Variants in SAMMSON observed in about 807,000 individuals in gnomAD.
SAMMSON encodes the protein long intergenic non-protein coding RNA 1212.
chr3:70,270,938 A>G (rs1373331203), intron 6 of SAMMSON, among the ~76,000 whole-genome samples: 6 of 152,126 alleles, frequency 3.9e-5, no homozygotes, highest in Non-Finnish European at 8.8e-5. Context: ...AATGTAGATG[A>G]TGGATTGATG....
chr3:70,196,659 C>T (rs1461536770), intron 4 of SAMMSON, among the ~76,000 whole-genome samples: 1 of 152,100 alleles, frequency 6.6e-6, no homozygotes, highest in Non-Finnish European at 1.5e-5. Context: ...ACATCTTGTA[C>T]CTACAGCATT....
chr3:70,261,884 G>A (rs1701869792), intron 6 of SAMMSON, among the ~76,000 whole-genome samples: 1 of 152,094 alleles, frequency 6.6e-6, no homozygotes, highest in South Asian at 2.1e-4. Context: ...TATCCAAGAA[G>A]ATCCGGGGCT....
At chr3:70,335,723 T>G (rs1381960604) in intron 7 of SAMMSON, among the ~76,000 whole-genome samples, 1 of 151,984 alleles carries the variant, frequency 6.6e-6, no homozygotes, top group African/African-American at 2.4e-5. Context: ...TTAAATTCAA[T>G]TTACCACCAC....
intron 6 of SAMMSON, among the ~76,000 whole-genome samples, chr3:70,253,285 A>G (rs1701786263): frequency 6.6e-6 from 1 of 152,088 alleles, no homozygotes; most frequent in Non-Finnish European, 1.5e-5. Flanking sequence ...AGGGAAGACC[A>G]TTTTATTTAT....
rs528670607 is a variant in SAMMSON at position 70,018,495 on chromosome 3, C to T, written n.417+4823C>T. On this transcript the variant is annotated intron_variant and non_coding_transcript_variant, in intron 3 of 9. Transcript: ENST00000642114. ...TTTTCTTCTTTATTAGTCTTGCTAG[C>T]AGTCTATCAATTTTGTTGATCTTTT... Among the ~76,000 whole-genome samples the T allele has an allele frequency of 6.4e-4, 97 of 152,178 alleles. 2 individuals carry two copies. Among genetic ancestry groups the T allele is most frequent in the South Asian group, 3.7e-3 (18 of 4,822 alleles).
intron 3 of SAMMSON, among the ~76,000 whole-genome samples, chr3:70,018,555 G>T (rs2066997265): frequency 6.6e-6 from 1 of 151,880 alleles, no homozygotes; most frequent in Admixed American, 6.6e-5. Flanking sequence ...TGATTTTTTT[G>T]AAGGGTTTTT....
rs1031647417 is a variant in SAMMSON, at chr3:70,196,566, A to C, written n.508-52541A>C. 4.6e-5 allele frequency among the ~76,000 whole-genome samples: 7 copies of C among 152,186 alleles called. 1 individual carries two copies. The highest frequency in any genetic ancestry group is 4.6e-4 in the Admixed American group (7 of 15,278). ...AAAAGAATGCACTAATTTGTCCTGA[A>C]TTTGTGAATGAGGTTGAATCCATAA... is the stretch of plus-strand genomic sequence containing the variant. On this transcript the variant is annotated intron_variant and non_coding_transcript_variant, in intron 4 of 9. Transcript: ENST00000642114.
chr3:70,317,288 T>C (rs1403273650), intron 7 of SAMMSON, among the ~76,000 whole-genome samples: 2 of 152,056 alleles, frequency 1.3e-5, no homozygotes, highest in Non-Finnish European at 2.9e-5. Context: ...TTCCTACAAA[T>C]TGAAGGTTTG....
intron 4 of SAMMSON, chr3:70,172,271 C>CTTTTT (rs5742405): frequency 1.5e-5 from 2 of 135,018 alleles, no homozygotes; most frequent in Non-Finnish European, 3.3e-5. Flanking sequence ...CATTAGTGGT[C>CTTTTT]TTTTTTTTTT....
intron 9 of SAMMSON, among the ~76,000 whole-genome samples, chr3:70,361,093 C>T (rs1157205519): frequency 6.6e-6 from 1 of 152,094 alleles, no homozygotes; most frequent in Admixed American, 6.5e-5. Flanking sequence ...ACACGAAGTG[C>T]TAAGATGGAA....
chr3:70,391,664 A>ATT (rs772044762), downstream of SAMMSON, among the ~76,000 whole-genome samples: 6 of 152,138 alleles, frequency 3.9e-5, no homozygotes, highest in Non-Finnish European at 7.4e-5. Flanking sequence ...ATTTCCTTCT[A>ATT]TGAAAGGGAG....
intron 2 of SAMMSON, among the ~76,000 whole-genome samples, chr3:70,398,148 C>T (rs1477598838): frequency 1.3e-5 from 2 of 152,006 alleles, no homozygotes; most frequent in Non-Finnish European, 2.9e-5. Flanking sequence ...AGTTATAAAG[C>T]AGATATTGAA....
chr3:70,281,259 A>G (rs545660693), intron 6 of SAMMSON, among the ~76,000 whole-genome samples: 20 of 152,166 alleles, frequency 1.3e-4, no homozygotes, highest in Admixed American at 2.6e-4. Flanking sequence ...TCTTCAAGGT[A>G]ACCTCCCCAG....
At chr3:70,136,647 G>T (rs1041258214) in intron 4 of SAMMSON, among the ~76,000 whole-genome samples, 1 of 152,170 alleles carries the variant, frequency 6.6e-6, no homozygotes, top group Admixed American at 6.5e-5. Context: ...GGAGTAATTT[G>T]CCATGCAGTA....
intron 7 of SAMMSON, among the ~76,000 whole-genome samples, chr3:70,327,403 C>G (rs1702587721): frequency 6.6e-6 from 1 of 152,084 alleles, no homozygotes; most frequent in African/African-American, 2.4e-5. Context: ...GCTTGCTGCC[C>G]AGAGAGATTT....
chr3:70,141,527 C>G (rs1559522097), intron 4 of SAMMSON, among the ~76,000 whole-genome samples: 1 of 151,752 alleles, frequency 6.6e-6, no homozygotes, highest in Non-Finnish European at 1.5e-5. Flanking sequence ...TGGAAACACT[C>G]TCATAAATAC....
chr3:70,071,279 A>AT (rs1344488416), intron 3 of SAMMSON, among the ~76,000 whole-genome samples: 2 of 141,730 alleles, frequency 1.4e-5, no homozygotes, highest in Non-Finnish European at 3.3e-5. Context: ...ATCTTCAGTT[A>AT]TGCGTAGATG....
chr3:70,009,108 GT>G (rs2066942647), intron 1 of SAMMSON: 1 of 152,016 alleles, frequency 6.6e-6, no homozygotes, highest in South Asian at 2.1e-4. Context: ...CTCTTTTTTT[GT>G]TGTGTCTCTA....
chr3:70,126,360 TG>T, intron 4 of SAMMSON: 1 of 1,120,190 alleles, frequency 8.9e-7, no homozygotes. Flanking sequence ...TTTCAGCTGA[TG>T]GAGTCTTGTC....
Sources: gnomAD v4.1 joint callset for allele counts (sites outside exome capture counted in the v4.1 genomes callset) on GRCh38, gnomAD v4.1.1 for gene constraint, MANE v1.5 for transcripts, NCBI Gene and HGNC (gene_info 2026-07-23, HGNC 2026-07-21) for gene names.